Variants in MAMLD1 observed in about 807,000 individuals in gnomAD.
MAMLD1 encodes mastermind-like domain-containing protein 1.
A neutral mutation model predicts 45.0 loss-of-function variants in MAMLD1; 14 were observed. The ratio of observed to expected loss-of-function variants is 0.31; its 90% CI spans 0.21 to 0.49. The LOEUF (loss-of-function observed/expected upper bound fraction) is 0.49, where lower values mean the gene tolerates loss of function less well. MAMLD1 is among the 20% of genes least tolerant of loss of function. The probability of loss-of-function intolerance (pLI) is 0.99; values close to 1 mark genes in which losing one functional copy is unlikely to be tolerated. For synonymous variants in MAMLD1, 254 were observed against 247.8 expected, an observed-to-expected ratio of 1.02 and a Z score of -0.24; for missense variants, 543 against 603.6, an observed-to-expected ratio of 0.90 and a Z score of 1.05.
At chrX:150,496,698 A>C (rs898175638) in intron 5 of MAMLD1, among the ~76,000 whole-genome samples, 6 of 111,984 alleles carry the variant, frequency 5.4e-5, no homozygotes, top group Non-Finnish European at 9.4e-5. Context: ...CCCAAGTAGC[A>C]TGATGCCCAG....
In MAMLD1 at chrX:150,512,273, C is replaced by G; in HGVS notation, c.*314C>G. ...GGGCAGACTTGACTCTGTCTGCCAG[C>G]ATATGCAGAGTCCCAAGGCCACCCC... On this transcript the variant is annotated 3_prime_UTR_variant, in exon 8 of 8. Transcript: ENST00000370401. 8.9e-7 allele frequency: 1 copy of G among 1,118,606 alleles called. No individual in the cohort carries two copies. Among genetic ancestry groups the G allele is most frequent in the Non-Finnish European group, 1.2e-6 (1 of 851,332 alleles). The allele number at this position is 1,118,606 out of a possible 1,213,427, so 92.2% of individuals were successfully genotyped here. A position where few individuals can be genotyped will look rare whatever the true frequency, so the allele number is the denominator to read the frequency against.
At chrX:150,397,469 ATT>A (rs201792210) in intron 1 of MAMLD1, among the ~76,000 whole-genome samples, 1 of 110,907 alleles carries the variant, frequency 9.0e-6, no homozygotes, top group Non-Finnish European at 1.9e-5. Context: ...TCTAAGGATG[ATT>A]TTTTTTGTAG....
chrX:150,425,677 G>T (rs683913), intron 1 of MAMLD1, among the ~76,000 whole-genome samples: 8,042 of 110,767 alleles, frequency 0.073, 384 homozygotes, highest in African/African-American at 0.17. Context: ...ACCTTACTAT[G>T]CTCTGAACAC....
At position 150,481,154 on chromosome X, in the gene MAMLD1, A is replaced by T. The variant is rs782538861; in HGVS notation, c.2040+7352A>T. Among the ~76,000 whole-genome samples the T allele has an allele frequency of 1.9e-4, 21 of 113,145 alleles. No homozygotes were observed. The South Asian group carries it at 7.6e-3, about 41-fold the overall frequency. ...TTTCCATGTGACAAAGCTTTGAACGATGTGGGAGGCCCTCACCCATCCCTG... is the reference window on the plus strand; with the variant it reads ...TTTCCATGTGACAAAGCTTTGAACGTTGTGGGAGGCCCTCACCCATCCCTG... On this transcript the variant is annotated intron_variant, in intron 5 of 7. Coordinates refer to ENST00000370401, the MANE Select transcript of MAMLD1 (RefSeq NM_005491.5).
At chrX:150,498,295 A>G (rs1949750026) in intron 5 of MAMLD1, among the ~76,000 whole-genome samples, 1 of 111,749 alleles carries the variant, frequency 8.9e-6, no homozygotes, top group Admixed American at 9.5e-5. Context: ...TGCATACAAC[A>G]TGCCAGGCAC....
intron 1 of MAMLD1, among the ~76,000 whole-genome samples, chrX:150,424,647 A>G (rs1557403733): frequency 1.8e-5 from 2 of 112,649 alleles, no homozygotes; most frequent in African/African-American, 6.4e-5. Context: ...ATTTTGTTGT[A>G]TCTTTTCTCT....
rs1043787748 is a variant in MAMLD1 at position 150,413,450 on chromosome X, T to A, written c.-63-32004T>A. On this transcript the variant is annotated intron_variant, in intron 1 of 7. Coordinates refer to ENST00000370401, the MANE Select transcript of MAMLD1 (RefSeq NM_005491.5). ...TTCCACGCTACCCAGGAACACTGTT[T>A]GAGAACAAAAGACTGAATCAGGAAT... Among the ~76,000 whole-genome samples the A allele has an allele frequency of 2.7e-5, 3 of 110,813 alleles. No homozygotes were observed. The Admixed American group carries it at 2.9e-4, about 11-fold the overall frequency.
intron 1 of MAMLD1, among the ~76,000 whole-genome samples, chrX:150,389,548 C>T (rs1455954390): frequency 8.9e-6 from 1 of 111,993 alleles, no homozygotes. Context: ...TTTTAGGGCC[C>T]AGGATGTGGC....
At chrX:150,383,441 A>T (rs1170699483) in intron 1 of MAMLD1, among the ~76,000 whole-genome samples, 1 of 111,148 alleles carries the variant, frequency 9.0e-6, no homozygotes, top group Non-Finnish European at 1.9e-5. Context: ...ATTTTATTTT[A>T]TTTTAAGTTC....
intron 1 of MAMLD1, among the ~76,000 whole-genome samples, chrX:150,364,282 A>C (rs1310854484): frequency 8.8e-6 from 1 of 113,062 alleles, no homozygotes; most frequent in East Asian, 2.8e-4. Flanking sequence ...TTTCTCGGCC[A>C]GTTGGCTTGG....
At chrX:150,391,802 A>C (rs2124495541) in intron 1 of MAMLD1, among the ~76,000 whole-genome samples, 1 of 111,908 alleles carries the variant, frequency 8.9e-6, no homozygotes, top group South Asian at 3.7e-4. Flanking sequence ...TTTGCATATT[A>C]TATTTTGAGA....
At chrX:150,465,208 G>A (rs188517492) in intron 3 of MAMLD1, among the ~76,000 whole-genome samples, 234 of 111,944 alleles carry the variant, frequency 2.1e-3, no homozygotes, top group African/African-American at 7.2e-3. Context: ...GACTTCTTTG[G>A]ATAAGTTATA....
At position 150,470,749 on chromosome X, in the gene MAMLD1, G is replaced by A. The variant is rs782758211; in HGVS notation, c.1176G>A (p.Thr392=). 129 of 1,210,358 alleles carry A rather than the reference G, an allele frequency of 1.1e-4. No homozygotes were observed. The Admixed American group carries it at 1.5e-3, about 14-fold the overall frequency. Reference sequence around the variant, plus strand: ...CCAATGCCTTACTGTCAAGCATGACGTCCAGCAGCAATGCTGCCCTGGGGC... The same window carrying A: ...CCAATGCCTTACTGTCAAGCATGACATCCAGCAGCAATGCTGCCCTGGGGC... ...GSPNALLSSM[T]SSSNAALGPA... is the part of the protein sequence containing the mutation. The change falls in exon 4 of 8, where the codon ACG becomes ACA. Residue 392 remains threonine, a synonymous_variant. Transcript: ENST00000370401.
intron 5 of MAMLD1, among the ~76,000 whole-genome samples, chrX:150,489,999 G>A (rs2037131322): frequency 8.9e-6 from 1 of 111,826 alleles, no homozygotes; most frequent in South Asian, 3.7e-4. Context: ...TCACCTACTG[G>A]AGGAGTCCTG....
At chrX:150,368,020 A>C (rs1478752509) in intron 1 of MAMLD1, among the ~76,000 whole-genome samples, 7 of 111,012 alleles carry the variant, frequency 6.3e-5, no homozygotes, top group Non-Finnish European at 1.1e-4. Context: ...CAATAAACAT[A>C]CGTGTGCATG....
intron 2 of MAMLD1, among the ~76,000 whole-genome samples, chrX:150,451,913 TC>T (rs1366892722): frequency 2.7e-5 from 3 of 111,476 alleles, no homozygotes; most frequent in African/African-American, 9.8e-5. Flanking sequence ...TTTGTCTGCC[TC>T]CCTCCAGTGC....
intron 1 of MAMLD1, among the ~76,000 whole-genome samples, chrX:150,400,779 G>A (rs1429658430): frequency 4.6e-5 from 5 of 109,493 alleles, no homozygotes; most frequent in South Asian, 4.0e-4. Context: ...TGCATATATT[G>A]AACCAGCCTT....
At chrX:150,457,675 T>C (rs782695343) in intron 2 of MAMLD1, among the ~76,000 whole-genome samples, 1 of 111,955 alleles carries the variant, frequency 8.9e-6, no homozygotes, top group South Asian at 3.8e-4. Context: ...TGCCACAACA[T>C]GGATGAGCCC....
At chrX:150,418,817 T>C (rs1440464191) in intron 1 of MAMLD1, among the ~76,000 whole-genome samples, 1 of 98,495 alleles carries the variant, frequency 1.0e-5, no homozygotes, top group Non-Finnish European at 2.1e-5. Flanking sequence ...TTGTTATAAT[T>C]TCTGTTCTTT....
Sources: gnomAD v4.1 joint callset for allele counts (sites outside exome capture counted in the v4.1 genomes callset) on GRCh38, gnomAD v4.1.1 for gene constraint, MANE v1.5 for transcripts, NCBI Gene and HGNC (gene_info 2026-07-23, HGNC 2026-07-21) for gene names.